TFR2: variants seen among roughly 807,000 people sequenced by gnomAD.
TFR2 encodes the protein transferrin receptor 2, also known as transferrin receptor protein 2.
A neutral mutation model predicts 91.9 loss-of-function variants in TFR2; 64 were observed. The observed-to-expected ratio is 0.70, with a 90% CI of 0.57 to 0.86. The LOEUF is 0.86. Ranked by LOEUF, TFR2 falls within the 40% of genes least tolerant of loss-of-function variation. TFR2 has a pLI of 0.00. For synonymous variants in TFR2, 454 were observed against 459.6 expected (o/e 0.99, Z 0.15); for missense variants, 950 against 1,080.5 (o/e 0.88, Z 1.69).
Position 100,626,752 on chromosome 7 carries a change from C to A in TFR2, c.2136+11G>T, listed in dbSNP as rs1803262994. The stretch of plus-strand genomic sequence containing the variant: ...GACACTGGGGGCGGGGCGAGGAGGG[C>A]GGGGCCTCACCCGCATTATGCGCAC... On this transcript the variant is annotated intron_variant, in intron 17 of 17. Transcript: ENST00000223051. 1 of 1,528,892 alleles carries A rather than the reference C, an allele frequency of 6.5e-7. No homozygotes were observed. The highest frequency in any genetic ancestry group is 1.4e-5 in the African/African-American group (1 of 72,372). 94.7% of individuals were successfully genotyped at this position (1,528,892 alleles called of 1,614,324 possible). A position where few individuals can be genotyped will look rare whatever the true frequency, so the allele number is the denominator to read the frequency against.
rs371316105 is a variant in TFR2 at position 100,627,558 on chromosome 7, C to G, written c.1767+19G>C. On this transcript the variant is annotated intron_variant, in intron 15 of 17. Coordinates refer to ENST00000223051, the MANE Select transcript of TFR2 (RefSeq NM_003227.4). The stretch of plus-strand genomic sequence containing the variant: ...TGAAGGACTAGCGCTGTGTCTGGGG[C>G]AGGGGGAGGACGTCTCACCTCCATA... 2 of 1,613,960 alleles carry G rather than the reference C, an allele frequency of 1.2e-6. No individual in the cohort carries two copies. The highest frequency in any genetic ancestry group is 8.5e-7 in the Non-Finnish European group (1 of 1,179,962).
intron 9 of TFR2, among the ~76,000 whole-genome samples, chr7:100,629,730 TTTACTTAC>T (rs35190962): frequency 1.3e-4 from 20 of 151,998 alleles, no homozygotes; most frequent in African/African-American, 4.6e-4. Flanking sequence ...GCTAATTTCT[TTTACTTAC>T]TTACTTATTT....
Position 100,631,040 on chromosome 7 carries a change from G to A in TFR2, c.1119C>T (p.Gly373=). 2 of 1,584,754 alleles carry A rather than the reference G, an allele frequency of 1.3e-6. No individual in the cohort carries two copies. Among genetic ancestry groups the A allele is most frequent in the Non-Finnish European group, 1.7e-6 (2 of 1,168,818 alleles). ...CCTGCCATTCTTGGGGGGCCACAGG[G>A]CCTTTGAGCTTCCTGGAGAGGAGGA... ...IASRLLRKLK[G]PVAPQEWQGS... The change falls in exon 9 of 18, where the codon GGC becomes GGT. Residue 373 remains glycine, a synonymous_variant. Transcript: ENST00000223051.
In TFR2 at chr7:100,627,895, G is replaced by C. The variant is rs756218360; in HGVS notation, c.1605+12C>G. The stretch of plus-strand genomic sequence containing the variant: ...TACTCCCCTTCACCCCCTATTCCTG[G>C]GGTGCTCTTGCCTGCTTCAGGACAC... On this transcript the variant is annotated intron_variant, in intron 13 of 17. Coordinates refer to ENST00000223051, the MANE Select transcript of TFR2 (RefSeq NM_003227.4). 9 of 1,613,922 alleles carry C rather than the reference G, an allele frequency of 5.6e-6. No individual in the cohort carries two copies. Among genetic ancestry groups the C allele is most frequent in the Non-Finnish European group, 7.6e-6 (9 of 1,179,988 alleles).
At chr7:100,627,881 A>AC in intron 13 of TFR2, 26 bp downstream of exon 13, 6 of 1,613,364 alleles carry the variant, frequency 3.7e-6, no homozygotes, top group Non-Finnish European at 5.1e-6. Flanking sequence ...ACTCCCCTTC[A>AC]CCCCCTATTC....
chr7:100,641,533 G>C lies in TFR2; in HGVS notation c.-24C>G, dbSNP rs1382129244. On this transcript the variant is annotated 5_prime_UTR_variant, in exon 1 of 18. Coordinates refer to ENST00000223051, the MANE Select transcript of TFR2 (RefSeq NM_003227.4). Reference sequence around the variant, plus strand: ...ATGCTTGTGTCCCCTCCTGAAGCCTGCAGGCTGTCCCCCAGCGATAAACCG... The same window carrying C: ...ATGCTTGTGTCCCCTCCTGAAGCCTCCAGGCTGTCCCCCAGCGATAAACCG... The C allele has an allele frequency of 1.3e-5, 21 of 1,613,404 alleles. No individual in the cohort carries two copies. Among genetic ancestry groups the C allele is most frequent in the Non-Finnish European group, 1.8e-5 (21 of 1,179,708 alleles).
chr7:100,631,786 G>C lies in TFR2; in HGVS notation c.1106+20C>G, dbSNP rs929108198. The C allele has an allele frequency of 6.2e-7, 1 of 1,608,720 alleles. No homozygotes were observed. The highest frequency in any genetic ancestry group is 8.5e-7 in the Non-Finnish European group (1 of 1,176,880). ...CCTCTCTCTGCTTCCTCCTCTTCTG[G>C]TCCCCAACACTCCCCTCACCTCAGC... is the stretch of plus-strand genomic sequence containing the variant. On this transcript the variant is annotated intron_variant, in intron 8 of 17. Transcript: ENST00000223051.
Position 100,632,079 on chromosome 7 carries a change from C to G in TFR2, c.966+3G>C. Reference sequence around the variant, plus strand: ...ACAGCACGACCAGCCTCCCCAGACTCACATGTCCATACACTGCCTGCTGGC... The same window carrying G: ...ACAGCACGACCAGCCTCCCCAGACTGACATGTCCATACACTGCCTGCTGGC... On this transcript the variant is annotated splice_donor_region_variant and intron_variant, in intron 7 of 17. Coordinates refer to ENST00000223051, the MANE Select transcript of TFR2 (RefSeq NM_003227.4). The G allele has an allele frequency of 6.2e-7, 1 of 1,614,146 alleles. No individual in the cohort carries two copies. Among genetic ancestry groups the G allele is most frequent in the Non-Finnish European group, 8.5e-7 (1 of 1,180,008 alleles).
intron 3 of TFR2, 94 bp from the exon 4 acceptor site, chr7:100,633,650 G>C: frequency 7.5e-6 from 11 of 1,472,236 alleles, no homozygotes; most frequent in Non-Finnish European, 9.8e-6. Context: ...CAGGGGCAGG[G>C]GCGGCGAGGG....
At chr7:100,630,241 T>C (rs1803395878) in intron 9 of TFR2, among the ~76,000 whole-genome samples, 1 of 151,968 alleles carries the variant, frequency 6.6e-6, no homozygotes, top group Non-Finnish European at 1.5e-5. Flanking sequence ...CCTTTCTCTC[T>C]CTCTCTTTCT....
Position 100,641,481 on chromosome 7 carries a change from C to T in TFR2, c.29G>A (p.Arg10Lys), listed in dbSNP as rs370714327. The change falls in exon 1 of 18, where the codon AGA becomes AAA. Residue 10 changes from arginine to lysine, a missense_variant. By Grantham distance (26) the Arg-to-Lys change is conservative (BLOSUM62 2). Coordinates refer to ENST00000223051, the MANE Select transcript of TFR2 (RefSeq NM_003227.4). ...TCCCAATCCCACTAGTCTTACCGCTCTCTGGAATAGACCCCAAAGCCGCTC... is the reference window on the plus strand; with the variant it reads ...TCCCAATCCCACTAGTCTTACCGCTTTCTGGAATAGACCCCAAAGCCGCTC... Reference protein sequence around the residue: MERLWGLFQRAQQLSPRSSQ... With the variant: MERLWGLFQKAQQLSPRSSQ... The T allele has an allele frequency of 6.2e-7, 1 of 1,613,830 alleles. No individual in the cohort carries two copies. The highest frequency in any genetic ancestry group is 8.5e-7 in the Non-Finnish European group (1 of 1,179,948).
rs1803451846 is a variant in TFR2 at position 100,632,015 on chromosome 7, C to G, written c.966+67G>C. Reference sequence around the variant, plus strand: ...CAGGAAAAACGAAAAACATGCCAGCCCTATTCTGAGCAAGAAGGTGTGGCC... The same window carrying G: ...CAGGAAAAACGAAAAACATGCCAGCGCTATTCTGAGCAAGAAGGTGTGGCC... On this transcript the variant is annotated intron_variant, in intron 7 of 17. Transcript: ENST00000223051. The G allele has an allele frequency of 5.6e-6, 9 of 1,613,958 alleles. No individual in the cohort carries two copies. In the Admixed American group the frequency reaches 1.5e-4, roughly 27 times the overall value.
chr7:100,632,323 AC>A, intron 6 of TFR2, 125 bp from the exon 7 acceptor site: 1 of 906,236 alleles, frequency 1.1e-6, no homozygotes, highest in South Asian at 1.3e-5. Context: ...ATGTGGGGGC[AC>A]TACCTGGCCT....
At chr7:100,631,669 G>T in intron 8 of TFR2, 137 bp downstream of exon 8, 1 of 1,189,142 alleles carries the variant, frequency 8.4e-7, no homozygotes, top group Non-Finnish European at 1.2e-6. Flanking sequence ...AGGCTGGAGT[G>T]CAGTGGTGTA....
intron 6 of TFR2, among the ~76,000 whole-genome samples, chr7:100,632,546 T>C (rs1584460046): frequency 1.4e-5 from 2 of 139,732 alleles, no homozygotes; most frequent in Non-Finnish European, 1.6e-5. Context: ...TCTCTGTTTC[T>C]CTCTCTTTTT....
chr7:100,627,993 A>G lies in TFR2; in HGVS notation c.1538-19T>C, dbSNP rs886905130. ...TCATCCCCTGGAAAAAGGGGAGGGGAGGGATGCCAGGCTCAGGGCTCAGCC... is the reference window on the plus strand; with the variant it reads ...TCATCCCCTGGAAAAAGGGGAGGGGGGGGATGCCAGGCTCAGGGCTCAGCC... On this transcript the variant is annotated intron_variant, in intron 12 of 17. Transcript: ENST00000223051. 7.4e-6 allele frequency: 12 copies of G among 1,613,824 alleles called. No individual in the cohort carries two copies. The African/African-American group carries it at 1.6e-4, about 22-fold the overall frequency.
intron 9 of TFR2, among the ~76,000 whole-genome samples, chr7:100,630,005 A>G (rs1000849458): frequency 2.6e-5 from 4 of 152,134 alleles, no homozygotes; most frequent in Non-Finnish European, 5.9e-5. Context: ...CGGCCTTCCA[A>G]AGTGCTGGGA....
chr7:100,626,840 T>C lies in TFR2; in HGVS notation c.2059A>G (p.Lys687Glu). The change falls in exon 17 of 18, where the codon AAG (lysine) becomes GAG (glutamate). Residue 687 changes from lysine (K) to glutamate (E), a missense_variant. Transcript: ENST00000223051. ...GAGCTGTAGATCTCCTGCCGCAGCTTTTCCGCCGCCCGGATGTAGTCCCCC... is the reference window on the plus strand; with the variant it reads ...GAGCTGTAGATCTCCTGCCGCAGCTCTTCCGCCGCCCGGATGTAGTCCCCC... ...ARGDYIRAAE[K>E]LRQEIYSSEE... 2.6e-6 allele frequency: 4 copies of C among 1,549,578 alleles called. No homozygotes were observed. The highest frequency in any genetic ancestry group is 3.5e-6 in the Non-Finnish European group (4 of 1,147,026).
At chr7:100,621,157 G>T in intron 17 of TFR2, 31 bp from the exon 18 acceptor site, 2 of 1,461,940 alleles carry the variant, frequency 1.4e-6, no homozygotes, top group South Asian at 2.8e-5. Context: ...GGTCAGGGTT[G>T]GGGGCTCTGG....
Sources: gnomAD v4.1 joint callset for allele counts (sites outside exome capture counted in the v4.1 genomes callset) on GRCh38, gnomAD v4.1.1 for gene constraint, MANE v1.5 for transcripts, NCBI Gene and HGNC (gene_info 2026-07-23, HGNC 2026-07-21) for gene names.